Variants in ACOX1 observed in about 807,000 individuals in gnomAD.
ACOX1 encodes peroxisomal acyl-coenzyme A oxidase 1.
Under a neutral mutation model 75.5 loss-of-function variants are expected in ACOX1, and 41 were observed. The ratio of observed to expected loss-of-function variants is 0.54; its 90% confidence interval spans 0.42 to 0.70. The LOEUF (loss-of-function observed/expected upper bound fraction) is 0.70. Ranked by LOEUF, ACOX1 falls within the 30% of genes least tolerant of loss-of-function variation. ACOX1 has a pLI of 0.00. For missense variants in ACOX1, 630 were observed against 837.5 expected (o/e 0.75, Z 3.06); for synonymous variants, 303 against 298.8 (o/e 1.01, Z -0.15).
At chr17:75,974,960 G>A (rs1031157188) in intron 2 of ACOX1, among the ~76,000 whole-genome samples, 35 of 143,820 alleles carry the variant, frequency 2.4e-4, no homozygotes, top group Non-Finnish European at 4.2e-4. Context: ...TGAGGCGGGA[G>A]AATGGCGTGA....
rs1644846176 is a variant in ACOX1, at chr17:75,954,594, CAG to C, written c.774+970_774+971del. ...TTTTTTTTTTTTTTTTTTTTTGAGA[CAG>C]AGTCTCGCTGTATTGCCTAGGCTGG... On this transcript the variant is annotated intron_variant, in intron 6 of 13. Transcript: ENST00000293217. 2.9e-5 allele frequency among the ~76,000 whole-genome samples: 3 copies of C among 105,162 alleles called. No homozygotes were observed. In the Admixed American group the frequency reaches 3.8e-4, roughly 13 times the overall value. 69.0% of individuals were successfully genotyped at this position (105,162 alleles called of 152,430 possible).
intron 13 of ACOX1, 115 bp downstream of exon 13, chr17:75,948,136 G>A (rs888881022): frequency 5.9e-6 from 6 of 1,023,766 alleles, no homozygotes; most frequent in Non-Finnish European, 9.1e-6. Context: ...GTGACTGTCA[G>A]AAGTGGCCAT....
chr17:75,969,962 A>AGT (rs2065977384), intron 2 of ACOX1, among the ~76,000 whole-genome samples: 1 of 152,054 alleles, frequency 6.6e-6, no homozygotes, highest in Non-Finnish European at 1.5e-5. Flanking sequence ...AGGTGGGCAG[A>AGT]TCGCCTGAGG....
rs533127739 is a variant in ACOX1 at position 75,946,781 on chromosome 17, G to C, written c.1950C>G (p.Tyr650Ter). 6.2e-7 allele frequency: 1 copy of C among 1,613,756 alleles called. No individual in the cohort carries two copies. The highest frequency in any genetic ancestry group is 1.3e-5 in the African/African-American group (1 of 74,928). The change falls in exon 14 of 14, where the codon TAC becomes TAG. Residue 650 changes from tyrosine to a stop codon, truncating the protein, a stop_gained. Transcript: ENST00000293217. LOFTEE classifies it high-confidence loss of function. ...TGGACTGCAGTGACTTCAGGTGCTT[G>C]TAAGATTCGTGGACCTGTGGGGAAA... ...PLNKAEVHES[Y>*]KHLKSLQSKL
In ACOX1 at chr17:75,949,604, T is replaced by G. The variant is rs368066448; in HGVS notation, c.1479-4A>C. On this transcript the variant is annotated splice_region_variant and splice_polypyrimidine_tract_variant and intron_variant, in intron 10 of 13. Coordinates refer to ENST00000293217, the MANE Select transcript of ACOX1 (RefSeq NM_004035.7). ...TTTTGCAGCAATTTCTACTAATCTG[T>G]TAAGACATAGATTGGAGGTCTGAGG... The G allele has an allele frequency of 6.2e-7, 1 of 1,614,084 alleles. No homozygotes were observed. The highest frequency in any genetic ancestry group is 1.3e-5 in the African/African-American group (1 of 75,052).
intron 2 of ACOX1, among the ~76,000 whole-genome samples, chr17:75,967,841 A>G (rs1224124845): frequency 2.7e-5 from 4 of 150,470 alleles, no homozygotes; most frequent in Non-Finnish European, 5.9e-5. Flanking sequence ...CCCAGGTTCA[A>G]GCGATTCTCC....
At chr17:75,951,228 T>C (rs1220257973) in intron 8 of ACOX1, among the ~76,000 whole-genome samples, 187 bp downstream of exon 8, 7 of 152,200 alleles carry the variant, frequency 4.6e-5, no homozygotes, top group African/African-American at 7.2e-5. Context: ...GTATTTCTGA[T>C]AACACTAAAA....
chr17:75,958,694 G>A (rs8064857), intron 3 of ACOX1, among the ~76,000 whole-genome samples: 132,311 of 151,482 alleles, frequency 0.87, 58,039 homozygotes, highest in Non-Finnish European at 0.91. Flanking sequence ...TGTAGTCCCA[G>A]CTACTCGGGA....
intron 2 of ACOX1, among the ~76,000 whole-genome samples, chr17:75,965,382 G>C (rs1598191447): frequency 6.7e-6 from 1 of 148,642 alleles, no homozygotes; most frequent in Middle Eastern, 3.5e-3. Flanking sequence ...ATACCTAATA[G>C]GGTGGGAAAA....
intron 3 of ACOX1, 67 bp from the exon 4 acceptor site, chr17:75,957,633 T>G (rs2065845969): frequency 8.3e-7 from 1 of 1,199,320 alleles, no homozygotes; most frequent in Non-Finnish European, 1.2e-6. Flanking sequence ...AGGAAAAATT[T>G]CCTGCACAGT....
At chr17:75,953,357 T>C in intron 7 of ACOX1, 94 bp downstream of exon 7, 2 of 1,451,068 alleles carry the variant, frequency 1.4e-6, no homozygotes, top group South Asian at 1.2e-5. Flanking sequence ...GCAGTGCTAA[T>C]GCATCTTCTG....
intron 2 of ACOX1, among the ~76,000 whole-genome samples, chr17:75,972,384 A>G (rs1171645996): frequency 2.0e-5 from 3 of 150,598 alleles, no homozygotes; most frequent in Non-Finnish European, 4.4e-5. Flanking sequence ...TCACGCCTGT[A>G]GCCTGTAATC....
In ACOX1 at chr17:75,943,443, C is replaced by G. The variant is rs778934913; in HGVS notation, c.*3305G>C. ...CCCAGCTTCTCAGAGGAGGCCAAAGCAGGAGGATCACTTGAGCCCAGGAGT... is the reference window on the plus strand; with the variant it reads ...CCCAGCTTCTCAGAGGAGGCCAAAGGAGGAGGATCACTTGAGCCCAGGAGT... On this transcript the variant is annotated 3_prime_UTR_variant, in exon 14 of 14. Transcript: ENST00000293217. The G allele has an allele frequency of 6.6e-6, 1 of 152,132 alleles. No homozygotes were observed. The highest frequency in any genetic ancestry group is 1.5e-5 in the Non-Finnish European group (1 of 68,112). 9.4% of individuals were successfully genotyped at this position (152,132 alleles called of 1,614,324 possible). A position where few individuals can be genotyped will look rare whatever the true frequency, so the allele number is the denominator to read the frequency against.
chr17:75,972,327 C>CAAAAAA, intron 2 of ACOX1, among the ~76,000 whole-genome samples: 1 of 110,964 alleles, frequency 9.0e-6, no homozygotes, highest in African/African-American at 3.4e-5. Context: ...ACTCTGTCTC[C>CAAAAAA]AAAAAAAAAA....
At chr17:75,970,853 CTGACT>C (rs1050197939) in intron 2 of ACOX1, among the ~76,000 whole-genome samples, 97 of 152,298 alleles carry the variant, frequency 6.4e-4, no homozygotes, top group African/African-American at 2.3e-3. Flanking sequence ...ATTAACCAAC[CTGACT>C]TATTTCCAAG....
At chr17:75,970,173 T>G in intron 2 of ACOX1, among the ~76,000 whole-genome samples, 1 of 58,812 alleles carries the variant, frequency 1.7e-5, no homozygotes. Flanking sequence ...TTGGGCAACA[T>G]GAGACTCCTT....
At chr17:75,964,284 T>C (rs1316025396) in intron 2 of ACOX1, among the ~76,000 whole-genome samples, 2 of 152,106 alleles carry the variant, frequency 1.3e-5, no homozygotes. Context: ...TCCCCAGCCT[T>C]TTGAGTACTG....
chr17:75,950,997 C>T lies in ACOX1; in HGVS notation c.1108-33G>A, dbSNP rs1352936012. The T allele has an allele frequency of 6.2e-7, 1 of 1,608,490 alleles. No individual in the cohort carries two copies. The highest frequency in any genetic ancestry group is 8.5e-7 in the Non-Finnish European group (1 of 1,176,890). ...GACAAGCACAGATCTGTCAGGACAT[C>T]TGTGGTGCTGAGAGCCCGAGAACCA... On this transcript the variant is annotated intron_variant, in intron 8 of 13. Coordinates refer to ENST00000293217, the MANE Select transcript of ACOX1 (RefSeq NM_004035.7). The surrounding 1 kb of genome is among the most constrained non-coding windows in gnomAD (Gnocchi z 4.3).
At chr17:75,953,187 T>C (rs764417313) in intron 7 of ACOX1, 6 of 368,734 alleles carry the variant, frequency 1.6e-5, no homozygotes, top group Non-Finnish European at 3.1e-5. Flanking sequence ...ATATTATTAC[T>C]ATTTTTCTTA....
Sources: gnomAD v4.1 joint callset for allele counts (sites outside exome capture counted in the v4.1 genomes callset) on GRCh38, gnomAD v4.1.1 for gene constraint, Gnocchi (gnomAD v3.1) non-coding constraint, MANE v1.5 for transcripts, NCBI Gene and HGNC (gene_info 2026-07-23, HGNC 2026-07-21) for gene names.